ADAMTSL1: variants seen among roughly 807,000 people sequenced by gnomAD.
The protein encoded by ADAMTSL1 is ADAMTS like 1, also known as ADAMTS-like protein 1.
ADAMTSL1 carries 126 observed loss-of-function variants against 201.8 expected under a neutral mutation model. The observed-to-expected ratio is 0.62, with a 90% CI of 0.54 to 0.72. The LOEUF is 0.72. Among genes scored for constraint, ADAMTSL1 ranks in the 30% least tolerant of loss-of-function variants. The pLI is 0.00. For synonymous variants in ADAMTSL1, 1,121 were observed against 903.4 expected (o/e 1.24, Z -4.32); for missense variants, 2,679 against 2,277.8 (o/e 1.18, Z -3.59).
At chr9:18,521,281 T>G (rs1818676392) in intron 2 of ADAMTSL1, among the ~76,000 whole-genome samples, 1 of 152,078 alleles carries the variant, frequency 6.6e-6, no homozygotes, top group Non-Finnish European at 1.5e-5. Flanking sequence ...GGCCTCAAAG[T>G]ACATTTTTAA....
intron 1 of ADAMTSL1, among the ~76,000 whole-genome samples, chr9:17,944,569 A>G (rs1417245394): frequency 6.0e-5 from 9 of 149,356 alleles, no homozygotes; most frequent in Non-Finnish European, 1.0e-4. Flanking sequence ...AAACTATACT[A>G]CAAGGCTACA....
chr9:18,123,524 T>G (rs1825595466), intron 1 of ADAMTSL1, among the ~76,000 whole-genome samples: 2 of 152,216 alleles, frequency 1.3e-5, no homozygotes, highest in African/African-American at 4.8e-5. Context: ...GTAATATATA[T>G]TGTCTTTATT....
intron 2 of ADAMTSL1, among the ~76,000 whole-genome samples, chr9:18,344,589 A>T (rs187304270): frequency 1.9e-4 from 29 of 152,312 alleles, no homozygotes; most frequent in African/African-American, 6.5e-4. Flanking sequence ...AATAAATTTT[A>T]GCATTCCGTA....
chr9:18,532,435 A>G (rs1471714606), intron 2 of ADAMTSL1, among the ~76,000 whole-genome samples: 1 of 152,206 alleles, frequency 6.6e-6, no homozygotes, highest in African/African-American at 2.4e-5. Context: ...ACTATCATTT[A>G]TCAAACACCA....
chr9:18,167,513 C>T (rs1428823137), intron 2 of ADAMTSL1, among the ~76,000 whole-genome samples: 7 of 151,804 alleles, frequency 4.6e-5, no homozygotes, highest in African/African-American at 1.5e-4. Flanking sequence ...CATTAATTTG[C>T]TGAAAATCAA....
chr9:18,517,226 A>C (rs1243066884), intron 2 of ADAMTSL1, among the ~76,000 whole-genome samples: 3 of 152,154 alleles, frequency 2.0e-5, no homozygotes, highest in African/African-American at 4.8e-5. Context: ...AGTGGATCTT[A>C]AGCCAAAGGC....
chr9:18,329,072 G>A (rs773459729), intron 2 of ADAMTSL1, among the ~76,000 whole-genome samples: 4 of 152,108 alleles, frequency 2.6e-5, no homozygotes, highest in Non-Finnish European at 5.9e-5. Context: ...TGGAGGTGGG[G>A]CCTTTGGGGA....
intron 23 of ADAMTSL1, among the ~76,000 whole-genome samples, chr9:18,846,242 G>A (rs371809203): frequency 8.5e-5 from 13 of 152,310 alleles, no homozygotes; most frequent in Admixed American, 6.5e-4. Flanking sequence ...GGCACTTAGA[G>A]TCTGATGGGA....
chr9:18,420,785 C>T (rs528404403), intron 2 of ADAMTSL1, among the ~76,000 whole-genome samples: 1 of 152,068 alleles, frequency 6.6e-6, no homozygotes, highest in Non-Finnish European at 1.5e-5. Flanking sequence ...AAGGTATATT[C>T]CTTAAGGTGC....
intron 2 of ADAMTSL1, among the ~76,000 whole-genome samples, chr9:18,286,469 A>AGAC (rs971583522): frequency 2.2e-4 from 33 of 152,234 alleles, no homozygotes; most frequent in Admixed American, 2.0e-3. Flanking sequence ...GAGGGTAGAG[A>AGAC]GACAGGGTCA....
intron 2 of ADAMTSL1, among the ~76,000 whole-genome samples, chr9:18,256,411 A>T (rs1831688557): frequency 6.6e-6 from 1 of 152,188 alleles, no homozygotes; most frequent in Non-Finnish European, 1.5e-5. Context: ...GGGTGTAGGT[A>T]CAGGAAAGAA....
At chr9:18,799,414 C>G (rs10811036) in intron 20 of ADAMTSL1, among the ~76,000 whole-genome samples, 35,893 of 152,020 alleles carry the variant, frequency 0.24, 4,295 homozygotes, top group East Asian at 0.37. Flanking sequence ...CCTAGGCAAA[C>G]TTTTGAAGGA....
intron 3 of ADAMTSL1, among the ~76,000 whole-genome samples, chr9:18,558,010 G>C (rs1587555053): frequency 6.6e-6 from 1 of 151,932 alleles, no homozygotes; most frequent in African/African-American, 2.4e-5. Context: ...AGGGAGAGTT[G>C]CTTTTTTAAA....
At chr9:18,204,039 A>G (rs899801820) in intron 2 of ADAMTSL1, among the ~76,000 whole-genome samples, 1 of 152,180 alleles carries the variant, frequency 6.6e-6, no homozygotes, top group African/African-American at 2.4e-5. Context: ...GGCGCTAAGT[A>G]TCACCTCCGA....
chr9:18,680,108 C>T (rs141159505), intron 10 of ADAMTSL1, among the ~76,000 whole-genome samples: 35 of 152,310 alleles, frequency 2.3e-4, no homozygotes, highest in Admixed American at 1.5e-3. Context: ...TAGAGCTTCA[C>T]GGTTTGCAGA....
At chr9:18,600,782 A>T (rs1474735009) in intron 4 of ADAMTSL1, among the ~76,000 whole-genome samples, 1 of 152,176 alleles carries the variant, frequency 6.6e-6, no homozygotes. Flanking sequence ...AAGAGCAACT[A>T]CTCAAATTTT....
intron 2 of ADAMTSL1, among the ~76,000 whole-genome samples, chr9:18,341,336 G>C (rs531803843): frequency 8.5e-5 from 13 of 152,136 alleles, no homozygotes; most frequent in African/African-American, 3.1e-4. Flanking sequence ...TTGTTATGCT[G>C]TTCCCTTTGC....
At chr9:18,875,150 C>T (rs2131479155) in intron 23 of ADAMTSL1, among the ~76,000 whole-genome samples, 1 of 152,160 alleles carries the variant, frequency 6.6e-6, no homozygotes. Context: ...TTTGAATCTT[C>T]TCTCTTCTTG....
At chr9:18,811,417 G>A (rs531192769) in intron 20 of ADAMTSL1, among the ~76,000 whole-genome samples, 1 of 152,220 alleles carries the variant, frequency 6.6e-6, no homozygotes, top group African/African-American at 2.4e-5. Flanking sequence ...TGTACCACCT[G>A]CCCAAGGTGA....
Sources: allele counts gnomAD v4.1 joint callset (sites outside exome capture counted in the v4.1 genomes callset), GRCh38; gene constraint gnomAD v4.1.1; transcripts MANE v1.5; gene names NCBI Gene and HGNC (gene_info 2026-07-23, HGNC 2026-07-21).